SPATA13: variants seen among roughly 807,000 people sequenced by gnomAD.
The protein encoded by SPATA13 is spermatogenesis-associated protein 13.
Under a neutral mutation model 104.0 loss-of-function variants are expected in SPATA13, and 50 were observed. The observed-to-expected ratio is 0.48, with a 90% CI of 0.38 to 0.61. The LOEUF is 0.61. Ranked by LOEUF, SPATA13 falls within the 20% of genes least tolerant of loss-of-function variation. The probability of loss-of-function intolerance (pLI) is 0.00; values close to 1 mark genes in which losing one functional copy is unlikely to be tolerated. For missense variants in SPATA13, 1,524 were observed against 1,690.6 expected (o/e 0.90, Z 1.73); for synonymous variants, 606 against 667.5 (o/e 0.91, Z 1.42).
At chr13:23,991,356 G>T (rs573509749) in intron 2 of SPATA13, among the ~76,000 whole-genome samples, 3 of 152,168 alleles carry the variant, frequency 2.0e-5, no homozygotes, top group African/African-American at 7.2e-5. Flanking sequence ...GGGACTTAGG[G>T]TCTAATCAGT....
At chr13:24,151,119 C>T (rs1323866374) in intron 3 of SPATA13, among the ~76,000 whole-genome samples, 7 of 152,206 alleles carry the variant, frequency 4.6e-5, no homozygotes, top group Non-Finnish European at 7.3e-5. Flanking sequence ...GATTAAGAGG[C>T]TTGCCCCAAA....
chr13:24,142,969 G>C (rs553970574), intron 3 of SPATA13, among the ~76,000 whole-genome samples: 2 of 152,176 alleles, frequency 1.3e-5, no homozygotes, highest in Admixed American at 1.3e-4. Context: ...CCTCTCACTG[G>C]TTACAAACTG....
intron 2 of SPATA13, among the ~76,000 whole-genome samples, chr13:24,236,455 C>T (rs1312769734): frequency 3.3e-5 from 5 of 151,794 alleles, no homozygotes; most frequent in African/African-American, 7.3e-5. Context: ...ATTAGCTGGG[C>T]GTGGTGGCAC....
At chr13:24,240,028 G>C (rs762344646) in intron 2 of SPATA13, among the ~76,000 whole-genome samples, 25 of 151,766 alleles carry the variant, frequency 1.6e-4, no homozygotes, top group Non-Finnish European at 3.4e-4. Context: ...CCTACGACCG[G>C]GTGTGGTGGC....
chr13:24,055,643 A>C (rs1225821245), intron 3 of SPATA13, among the ~76,000 whole-genome samples: 1 of 152,242 alleles, frequency 6.6e-6, no homozygotes, highest in African/African-American at 2.4e-5. Context: ...CAAGGGTTCC[A>C]ATACCAGCTC....
chr13:24,021,295 T>A (rs1876963407), intron 3 of SPATA13, among the ~76,000 whole-genome samples: 2 of 152,198 alleles, frequency 1.3e-5, no homozygotes. Context: ...TGAAGATGCC[T>A]GTTTGCTCAA....
At chr13:24,064,143 T>G (rs1361793178) in intron 3 of SPATA13, among the ~76,000 whole-genome samples, 1 of 152,178 alleles carries the variant, frequency 6.6e-6, no homozygotes, top group Non-Finnish European at 1.5e-5. Flanking sequence ...ATCAGGCCAC[T>G]CCAGATTATT....
chr13:24,104,096 G>A (rs1299341977), intron 3 of SPATA13, among the ~76,000 whole-genome samples: 1 of 152,100 alleles, frequency 6.6e-6, no homozygotes, highest in East Asian at 1.9e-4. Context: ...ATATAAAACT[G>A]TTAGAGAGCT....
intron 1 of SPATA13, among the ~76,000 whole-genome samples, chr13:23,980,388 C>T (rs1236985467): frequency 6.6e-6 from 1 of 152,188 alleles, no homozygotes; most frequent in African/African-American, 2.4e-5. Flanking sequence ...CGGTGCTCAG[C>T]GTCACTGCGT....
chr13:23,998,929 T>A (rs1433208030), intron 2 of SPATA13, among the ~76,000 whole-genome samples: 3 of 147,944 alleles, frequency 2.0e-5, no homozygotes, highest in African/African-American at 2.5e-5. Context: ...CTAACTTTGG[T>A]TTTTTTTTTT....
At chr13:24,029,177 C>G (rs1877364221) in intron 3 of SPATA13, among the ~76,000 whole-genome samples, 1 of 152,178 alleles carries the variant, frequency 6.6e-6, no homozygotes, top group Non-Finnish European at 1.5e-5. Flanking sequence ...TGTCACCTAG[C>G]CTCCCAAGTA....
chr13:24,021,272 GT>G (rs1368214505), intron 3 of SPATA13, among the ~76,000 whole-genome samples: 5 of 152,248 alleles, frequency 3.3e-5, no homozygotes, highest in Non-Finnish European at 5.9e-5. Context: ...AGGAAAGAAA[GT>G]TTGGAGAATC....
At chr13:24,084,179 CG>C (rs1374678942) in intron 3 of SPATA13, among the ~76,000 whole-genome samples, 2 of 152,046 alleles carry the variant, frequency 1.3e-5, no homozygotes, top group Non-Finnish European at 2.9e-5. Context: ...ACAAGCGAGA[CG>C]AGAGAAGAAA....
chr13:24,164,107 A>G (rs9507264), intron 1 of SPATA13, among the ~76,000 whole-genome samples: 64,966 of 152,206 alleles, frequency 0.43, 14,069 homozygotes, highest in East Asian at 0.59. Context: ...GGGAAACTAT[A>G]TAATACATGG....
At chr13:24,061,313 T>C (rs1566089441) in intron 3 of SPATA13, among the ~76,000 whole-genome samples, 1 of 152,174 alleles carries the variant, frequency 6.6e-6, no homozygotes. Flanking sequence ...AATGTAGCAA[T>C]TCTTCAAAGA....
intron 1 of SPATA13, among the ~76,000 whole-genome samples, chr13:24,221,351 G>C (rs715921): frequency 6.6e-6 from 1 of 152,006 alleles, no homozygotes; most frequent in Non-Finnish European, 1.5e-5. Flanking sequence ...AAAGTTGGTA[G>C]TCTTTTATGG....
chr13:24,222,622 C>G (rs1871654052), intron 1 of SPATA13, among the ~76,000 whole-genome samples, 197 bp from the exon 2 acceptor site: 1 of 152,152 alleles, frequency 6.6e-6, no homozygotes, highest in Admixed American at 6.5e-5. Context: ...CCATAATTAC[C>G]CTTCTCTGTC....
chr13:24,051,706 C>T lies in SPATA13; in HGVS notation c.-112+34005C>T, dbSNP rs960395001. Among the ~76,000 whole-genome samples, 7 of 151,890 alleles carry T rather than the reference C, an allele frequency of 4.6e-5. No individual in the cohort carries two copies. Among genetic ancestry groups the T allele is most frequent in the South Asian group, 2.1e-4 (1 of 4,800 alleles). On this transcript the variant is annotated intron_variant, in intron 3 of 14. Coordinates refer to the SPATA13 transcript ENST00000424834. The surrounding 1 kb of genome is among the most constrained non-coding windows in gnomAD (Gnocchi z 4.2). ...ATTACACAGAGGAGATGATATGAGG[C>T]GAATCTTCAGAGGTGGGAGCTTTAG...
chr13:24,228,914 C>T (rs1292801138), intron 2 of SPATA13, among the ~76,000 whole-genome samples: 1 of 152,078 alleles, frequency 6.6e-6, no homozygotes, highest in Non-Finnish European at 1.5e-5. Flanking sequence ...ACAAAATAAT[C>T]GTTGAAAAAT....
Sources: allele counts gnomAD v4.1 joint callset (sites outside exome capture counted in the v4.1 genomes callset), GRCh38; gene constraint gnomAD v4.1.1; non-coding constraint Gnocchi (gnomAD v3.1); transcripts MANE v1.5; gene names NCBI Gene and HGNC (gene_info 2026-07-23, HGNC 2026-07-21).